CDH7: variants seen among roughly 807,000 people sequenced by gnomAD.
CDH7 encodes cadherin-7.
CDH7 carries 25 observed loss-of-function variants against 71.8 expected under a neutral mutation model. The ratio of observed to expected loss-of-function variants is 0.35; its 90% CI spans 0.25 to 0.49. The LOEUF (loss-of-function observed/expected upper bound fraction) is 0.49. Ranked by LOEUF, CDH7 falls within the 20% of genes least tolerant of loss-of-function variation. The probability of loss-of-function intolerance (pLI) is 0.99; values close to 1 mark genes in which losing one functional copy is unlikely to be tolerated. For missense variants in CDH7, 862 were observed against 974.6 expected, an observed-to-expected ratio of 0.88 and a Z score of 1.54; for synonymous variants, 381 against 363.8, an observed-to-expected ratio of 1.05 and a Z score of -0.54.
At chr18:65,854,652 T>C (rs1300891553) in intron 7 of CDH7, among the ~76,000 whole-genome samples, 1 of 152,152 alleles carries the variant, frequency 6.6e-6, no homozygotes, top group African/African-American at 2.4e-5. Context: ...CTTTTAGCTT[T>C]TAAGAATCTA....
rs1249438975 is a variant in CDH7 at position 65,884,898 on chromosome 18, A to G, written c.*4004A>G. ...TTTTATTTACAGTTGACCTAATCCA[A>G]TTGAAGTTGATGAAAGCTTCAACTT... On this transcript the variant is annotated 3_prime_UTR_variant, in exon 12 of 12. Transcript: ENST00000397968. The G allele has an allele frequency of 6.6e-6, 1 of 152,182 alleles. No individual in the cohort carries two copies. The highest frequency in any genetic ancestry group is 2.4e-5 in the African/African-American group (1 of 41,438). 9.4% of individuals were successfully genotyped at this position (152,182 alleles called of 1,614,324 possible).
intron 1 of CDH7, among the ~76,000 whole-genome samples, chr18:65,756,027 T>C (rs1337471243): frequency 6.6e-6 from 1 of 151,954 alleles, no homozygotes; most frequent in Non-Finnish European, 1.5e-5. Context: ...AACTAGTAAA[T>C]AGAAGGTTCA....
chr18:65,767,863 G>T (rs1916424015), intron 2 of CDH7, among the ~76,000 whole-genome samples: 1 of 152,058 alleles, frequency 6.6e-6, no homozygotes, highest in Non-Finnish European at 1.5e-5. Flanking sequence ...TTACCATTTT[G>T]TAAATAACAT....
At chr18:65,787,951 C>T (rs1910573809) in intron 2 of CDH7, among the ~76,000 whole-genome samples, 1 of 152,022 alleles carries the variant, frequency 6.6e-6, no homozygotes, top group South Asian at 2.1e-4. Flanking sequence ...GAGTAAATCC[C>T]ATTTACTTTT....
chr18:65,880,970 A>C lies in CDH7; in HGVS notation c.*76A>C. 1 of 1,383,724 alleles carries C rather than the reference A, an allele frequency of 7.2e-7. No individual in the cohort carries two copies. Among genetic ancestry groups the C allele is most frequent in the Non-Finnish European group, 9.7e-7 (1 of 1,027,328 alleles). The allele number at this position is 1,383,724 out of a possible 1,614,324, so 85.7% of individuals were successfully genotyped here. On this transcript the variant is annotated 3_prime_UTR_variant, in exon 12 of 12. Transcript: ENST00000397968. ...TAAAATAAAATGAAATAAAATAATA[A>C]ACCACTACATACAGAAAACAAGAAC...
At chr18:65,792,318 A>G (rs941522101) in intron 2 of CDH7, among the ~76,000 whole-genome samples, 5 of 151,724 alleles carry the variant, frequency 3.3e-5, no homozygotes, top group African/African-American at 1.2e-4. Context: ...TGAATTGATA[A>G]GGCCCCTAGG....
chr18:65,752,319 C>CAA (rs1324288508), intron 1 of CDH7, among the ~76,000 whole-genome samples: 1 of 152,114 alleles, frequency 6.6e-6, no homozygotes, highest in South Asian at 2.1e-4. Context: ...ACACCTCACA[C>CAA]AAAAAATGTG....
intron 2 of CDH7, among the ~76,000 whole-genome samples, chr18:65,799,642 G>A (rs754651839): frequency 1.3e-5 from 2 of 151,876 alleles, no homozygotes; most frequent in African/African-American, 2.4e-5. Context: ...CGCCACTGCA[G>A]TGCAGCCTGG....
chr18:65,857,998 T>C (rs752873086), intron 8 of CDH7, 46 bp downstream of exon 8: 5 of 1,581,216 alleles, frequency 3.2e-6, no homozygotes, highest in Non-Finnish European at 4.3e-6. Context: ...GGACAGTGAG[T>C]GGAGAATCGA....
chr18:65,856,333 C>T (rs1913354643), intron 7 of CDH7, among the ~76,000 whole-genome samples: 1 of 152,042 alleles, frequency 6.6e-6, no homozygotes. Flanking sequence ...TATCCATATA[C>T]ACAGGAGTAA....
At position 65,888,229 on chromosome 18, in the gene CDH7, T is replaced by G. The variant is rs953703510; in HGVS notation, c.*7335T>G. 1 of 152,176 alleles carries G rather than the reference T, an allele frequency of 6.6e-6. No homozygotes were observed. The highest frequency in any genetic ancestry group is 1.5e-5 in the Non-Finnish European group (1 of 68,038). The allele number at this position is 152,176 out of a possible 1,614,324, so 9.4% of individuals were successfully genotyped here. A position where few individuals can be genotyped will look rare whatever the true frequency, so the allele number is the denominator to read the frequency against. On this transcript the variant is annotated 3_prime_UTR_variant, in exon 12 of 12. Coordinates refer to ENST00000397968, the MANE Select transcript of CDH7 (RefSeq NM_004361.5). ...GTTTCAGAACTAACCAGCGAAGAGA[T>G]GTATACAAAGTGTACTCTGAATTGG... is the stretch of plus-strand genomic sequence containing the variant.
At chr18:65,807,931 A>C (rs186411086) in intron 2 of CDH7, among the ~76,000 whole-genome samples, 2 of 152,236 alleles carry the variant, frequency 1.3e-5, no homozygotes, top group African/African-American at 2.4e-5. Context: ...AGACCCTAGC[A>C]CACAGGGCAA....
At chr18:65,854,059 C>T (rs1913259173) in intron 7 of CDH7, among the ~76,000 whole-genome samples, 2 of 150,510 alleles carry the variant, frequency 1.3e-5, no homozygotes, top group Admixed American at 1.3e-4. Flanking sequence ...AATCCTAACA[C>T]TTTGAGAGGC....
chr18:65,794,379 G>A (rs531118369), intron 2 of CDH7, among the ~76,000 whole-genome samples: 75 of 152,190 alleles, frequency 4.9e-4, no homozygotes, highest in African/African-American at 1.7e-3. Flanking sequence ...GAGATGTTGA[G>A]TAGGTGACCT....
chr18:65,823,616 C>T (rs894350625), intron 5 of CDH7, among the ~76,000 whole-genome samples: 11 of 151,832 alleles, frequency 7.2e-5, no homozygotes, highest in African/African-American at 2.7e-4. Flanking sequence ...AAAGGGGTCA[C>T]TCAAAAGTAA....
chr18:65,775,628 A>G (rs1909910766), intron 2 of CDH7, among the ~76,000 whole-genome samples: 1 of 152,208 alleles, frequency 6.6e-6, no homozygotes, highest in Non-Finnish European at 1.5e-5. Flanking sequence ...GACCAAACAT[A>G]AAATACAGTA....
Position 65,809,873 on chromosome 18 carries a change from G to A in CDH7, c.380G>A (p.Arg127Lys), listed in dbSNP as rs1283024959. The A allele has an allele frequency of 6.2e-7, 1 of 1,613,968 alleles. No homozygotes were observed. The highest frequency in any genetic ancestry group is 8.5e-7 in the Non-Finnish European group (1 of 1,179,994). Residue 127 changes from arginine (R) to lysine (K), a missense_variant, in exon 3 of 12, where the codon AGG (arginine) becomes AAG (lysine). Transcript: ENST00000397968. ...YYTLRAQALDRLTNKPVEPES... is the reference protein window; with the variant it reads ...YYTLRAQALDKLTNKPVEPES... ...ACGCTCCGAGCTCAAGCGCTGGATA[G>A]GCTCACCAACAAACCCGTGGAGCCC...
chr18:65,842,387 T>C (rs986344293), intron 6 of CDH7, among the ~76,000 whole-genome samples: 3 of 151,946 alleles, frequency 2.0e-5, no homozygotes, highest in African/African-American at 7.3e-5. Context: ...TTGATTTATA[T>C]ATATATATGT....
chr18:65,760,580 T>A (rs915089306), intron 1 of CDH7, among the ~76,000 whole-genome samples: 1 of 152,202 alleles, frequency 6.6e-6, no homozygotes, highest in Non-Finnish European at 1.5e-5. Context: ...TCATTGTCTT[T>A]AAGAGAGAAT....
Sources: allele counts gnomAD v4.1 joint callset (sites outside exome capture counted in the v4.1 genomes callset), GRCh38; gene constraint gnomAD v4.1.1; transcripts MANE v1.5; gene names NCBI Gene and HGNC (gene_info 2026-07-23, HGNC 2026-07-21).